SH3D19: variants seen among roughly 807,000 people sequenced by gnomAD.
SH3D19 encodes the protein SH3 domain-containing protein 19.
In SH3D19, 58 loss-of-function variants were observed where a neutral mutation model predicts 112.1. The ratio of observed to expected loss-of-function variants is 0.52; its 90% CI spans 0.42 to 0.64. SH3D19 has a LOEUF of 0.64. Ranked by LOEUF, SH3D19 falls within the 30% of genes least tolerant of loss-of-function variation. SH3D19 has a pLI of 0.00. For synonymous variants in SH3D19, 391 were observed against 448.5 expected (o/e 0.87, Z 1.62); for missense variants, 1,090 against 1,263.4 (o/e 0.86, Z 2.08).
rs1438726247 is a variant in SH3D19, at chr4:151,214,470, C to A, written c.152+11577G>T. Among the ~76,000 whole-genome samples, 4 of 99,880 alleles carry A rather than the reference C, an allele frequency of 4.0e-5. 1 individual carries two copies. The highest frequency in any genetic ancestry group is 3.5e-4 in the South Asian group (1 of 2,886). The allele number at this position is 99,880 out of a possible 152,430, so 65.5% of individuals were successfully genotyped here. A position where few individuals can be genotyped will look rare whatever the true frequency, so the allele number is the denominator to read the frequency against. On this transcript the variant is annotated intron_variant, in intron 2 of 19. Transcript: ENST00000604030. ...CTGGCCGGGCGGGGGGCTGACCCCCCACCTCCCTCCCGGACGGGGCGGCTG... is the reference window on the plus strand; with the variant it reads ...CTGGCCGGGCGGGGGGCTGACCCCCAACCTCCCTCCCGGACGGGGCGGCTG...
At chr4:151,221,171 T>G (rs1044646772) in intron 2 of SH3D19, among the ~76,000 whole-genome samples, 1 of 152,226 alleles carries the variant, frequency 6.6e-6, no homozygotes, top group Admixed American at 6.5e-5. Flanking sequence ...CCCAGATTTA[T>G]TCACCTCTTA....
intron 1 of SH3D19, among the ~76,000 whole-genome samples, chr4:151,235,782 T>C (rs1260237847): frequency 6.6e-6 from 1 of 152,150 alleles, no homozygotes; most frequent in Non-Finnish European, 1.5e-5. Flanking sequence ...CAAGACTCTG[T>C]CTCAAAAAAA....
At chr4:151,125,051 T>TTTTC (rs10658828) in intron 19 of SH3D19, among the ~76,000 whole-genome samples, 106,973 of 151,372 alleles carry the variant, frequency 0.71, 42,714 homozygotes, top group Non-Finnish European at 0.9. Flanking sequence ...AAGGCAACAG[T>TTTTC]TTTCTTTCTT....
Position 151,175,485 on chromosome 4 carries a change from T to C in SH3D19, c.719A>G (p.Asp240Gly). 6.8e-7 allele frequency: 1 copy of C among 1,472,266 alleles called. No individual in the cohort carries two copies. The highest frequency in any genetic ancestry group is 9.0e-7 in the Non-Finnish European group (1 of 1,115,992). 91.2% of individuals were successfully genotyped at this position (1,472,266 alleles called of 1,614,324 possible). A position where few individuals can be genotyped will look rare whatever the true frequency, so the allele number is the denominator to read the frequency against. ...TTGACTTTGCTCTTTAATGTGAGAA[T>C]CTCTGGGTATTGGTCTGAGGTTGCT... ...SKSNLRPIPR[D>G]SHIKEQSQQK... The change falls in exon 7 of 20, where the codon GAT (aspartate) becomes GGT (glycine). Residue 240 changes from aspartate to glycine, a missense_variant. By Grantham distance (94) the Asp-to-Gly change is moderately conservative (BLOSUM62 -1). Transcript: ENST00000604030.
rs755846857 is a variant in SH3D19, at chr4:151,149,569, T to G, written c.1756-8A>C. The G allele has an allele frequency of 1.2e-6, 2 of 1,610,482 alleles. No homozygotes were observed. The highest frequency in any genetic ancestry group is 2.2e-5 in the South Asian group (2 of 90,254). ...ACCTGGGTGGTTGGATTCCTGCAAG[T>G]AGCAGAGAATGCTTTTTAGTTAAGG... is the stretch of plus-strand genomic sequence containing the variant. On this transcript the variant is annotated splice_polypyrimidine_tract_variant and splice_region_variant and intron_variant, in intron 9 of 19. Transcript: ENST00000604030.
At chr4:151,281,896 C>T (rs1456796259) in intron 1 of SH3D19, among the ~76,000 whole-genome samples, 4 of 151,668 alleles carry the variant, frequency 2.6e-5, no homozygotes, top group East Asian at 1.9e-4. Context: ...ATGAGAGAAC[C>T]GGAGAGAAAA....
At chr4:151,189,011 T>C (rs1057356295) in intron 2 of SH3D19, among the ~76,000 whole-genome samples, 2 of 152,092 alleles carry the variant, frequency 1.3e-5, no homozygotes, top group African/African-American at 4.8e-5. Flanking sequence ...AAGGAAGAAA[T>C]CACCTATGAG....
intron 7 of SH3D19, chr4:151,166,073 ACT>A (rs1050739439): frequency 1.1e-4 from 20 of 180,790 alleles, no homozygotes; most frequent in African/African-American, 4.8e-4. Context: ...GAGAGGAAAG[ACT>A]CTTTCCCTGT....
At chr4:151,292,259 A>G (rs1267017175) in intron 1 of SH3D19, among the ~76,000 whole-genome samples, 1 of 152,028 alleles carries the variant, frequency 6.6e-6, no homozygotes, top group Admixed American at 6.6e-5. Flanking sequence ...TGATCACATC[A>G]CTGCACTCCA....
At chr4:151,287,558 G>A (rs116389491) in intron 1 of SH3D19, among the ~76,000 whole-genome samples, 7 of 152,248 alleles carry the variant, frequency 4.6e-5, no homozygotes, top group African/African-American at 1.4e-4. Context: ...AAGTCAAGTT[G>A]GCTGACCTCA....
chr4:151,228,604 A>T (rs17027417), intron 1 of SH3D19, among the ~76,000 whole-genome samples: 3 of 152,314 alleles, frequency 2.0e-5, no homozygotes, highest in African/African-American at 4.8e-5. Context: ...GTAGAAATAA[A>T]TTTTTTGGCA....
chr4:151,232,804 C>G (rs953631076), intron 1 of SH3D19, among the ~76,000 whole-genome samples: 4 of 152,172 alleles, frequency 2.6e-5, no homozygotes, highest in African/African-American at 9.7e-5. Context: ...GTATTCATTT[C>G]TTACTGCTGC....
At chr4:151,236,590 A>G (rs1770070636) in intron 1 of SH3D19, among the ~76,000 whole-genome samples, 2 of 152,208 alleles carry the variant, frequency 1.3e-5, no homozygotes, top group East Asian at 1.9e-4. Context: ...TTGTAAATGC[A>G]CCAATCAGCG....
At chr4:151,293,373 T>C (rs997951255) in intron 1 of SH3D19, among the ~76,000 whole-genome samples, 1 of 150,490 alleles carries the variant, frequency 6.6e-6, no homozygotes, top group African/African-American at 2.5e-5. Flanking sequence ...CTCGGGAGGC[T>C]GAGGCAGGAG....
chr4:151,320,345 G>A (rs1271581664), intron 1 of SH3D19, among the ~76,000 whole-genome samples: 1 of 152,178 alleles, frequency 6.6e-6, no homozygotes, highest in Non-Finnish European at 1.5e-5. Context: ...TTGTATGTCA[G>A]GCAGAGATTC....
chr4:151,139,889 G>T lies in SH3D19; in HGVS notation c.2224-42C>A, dbSNP rs369068319. 5.3e-5 allele frequency: 84 copies of T among 1,591,978 alleles called. 1 individual carries two copies. The Middle Eastern group carries it at 6.3e-3, about 120-fold the overall frequency. On this transcript the variant is annotated intron_variant, in intron 12 of 19. Coordinates refer to ENST00000604030, the MANE Select transcript of SH3D19 (RefSeq NM_001378122.1). ...GGCTGTGAATGAAGTGTGCAGGATA[G>T]ATGGTGGATTTATTATTCACTCTGA...
At chr4:151,282,053 C>T in intron 1 of SH3D19, 25 of 1,298,926 alleles carry the variant, frequency 1.9e-5, no homozygotes, top group Non-Finnish European at 2.6e-5. Context: ...AGTTGGCTAC[C>T]CTCCTTTCTT....
chr4:151,229,350 C>CTACA (rs1348329023), intron 1 of SH3D19, among the ~76,000 whole-genome samples: 6 of 152,278 alleles, frequency 3.9e-5, no homozygotes, highest in Non-Finnish European at 7.4e-5. Flanking sequence ...TTGCCAAATG[C>CTACA]TACACATTTG....
intron 2 of SH3D19, among the ~76,000 whole-genome samples, chr4:151,189,924 A>G (rs1194499350): frequency 1.3e-5 from 2 of 152,170 alleles, no homozygotes; most frequent in Non-Finnish European, 2.9e-5. Flanking sequence ...GAAGACAGGA[A>G]AATGTGGGAC....
Sources: allele counts gnomAD v4.1 joint callset (sites outside exome capture counted in the v4.1 genomes callset), GRCh38; gene constraint gnomAD v4.1.1; transcripts MANE v1.5; gene names NCBI Gene and HGNC (gene_info 2026-07-23, HGNC 2026-07-21).